The following CD300LG variants were observed in gnomAD, a reference collection of about 807,000 sequenced individuals.
The protein encoded by CD300LG is CD300 molecule like family member g, also known as CMRF35-like molecule 9.
In CD300LG, 29 loss-of-function variants were observed where a neutral mutation model predicts 31.5. The observed-to-expected ratio is 0.92, with a 90% confidence interval of 0.68 to 1.25. The LOEUF is 1.25. Ranked by LOEUF, CD300LG falls within the 50% of genes most tolerant of loss-of-function variation. The pLI, the probability that CD300LG is intolerant of heterozygous loss-of-function variation, is 0.00. For synonymous variants in CD300LG, 175 were observed against 177.2 expected (o/e 0.99, Z 0.10); for missense variants, 396 against 417.6 (o/e 0.95, Z 0.45).
At position 43,848,620 on chromosome 17, in the gene CD300LG, C is replaced by T. The variant is rs2046253995; in HGVS notation, c.106C>T (p.Gln36Ter). 6.2e-7 allele frequency: 1 copy of T among 1,614,030 alleles called. No homozygotes were observed. Among genetic ancestry groups the T allele is most frequent in the Non-Finnish European group, 8.5e-7 (1 of 1,179,908 alleles). Residue 36 changes from glutamine (Q) to a stop codon, truncating the protein, a stop_gained, in exon 2 of 7, where the codon CAG becomes TAG. Coordinates refer to ENST00000317310, the MANE Select transcript of CD300LG (RefSeq NM_145273.4). LOFTEE classifies it high-confidence loss of function. ...SGFEGDTVSL[Q>*]CTYREELRDH... ...GTTCGAAGGGGACACTGTGTCCCTG[C>T]AGTGCACCTACAGGGAAGAGCTGAG... is the stretch of plus-strand genomic sequence containing the variant.
chr17:43,859,645 T>C (rs1388491813), intron 6 of CD300LG, among the ~76,000 whole-genome samples: 3 of 152,170 alleles, frequency 2.0e-5, no homozygotes, highest in East Asian at 1.9e-4. Context: ...TATGGACTCA[T>C]GGGTCTGATG....
chr17:43,847,922 C>T (rs1437203152), intron 1 of CD300LG, among the ~76,000 whole-genome samples: 1 of 152,168 alleles, frequency 6.6e-6, no homozygotes, highest in Non-Finnish European at 1.5e-5. Context: ...GCCCTCCAGC[C>T]TGGGCAACAG....
At chr17:43,847,394 T>TG in intron 1 of CD300LG, 135 bp downstream of exon 1, 4 of 311,060 alleles carry the variant, frequency 1.3e-5, no homozygotes, top group South Asian at 2.8e-5. Context: ...CGGGGCGGGC[T>TG]GGGGGTGGGG....
intron 6 of CD300LG, 150 bp from the exon 7 acceptor site, chr17:43,861,648 T>G: frequency 3.9e-6 from 2 of 511,288 alleles, no homozygotes; most frequent in Admixed American, 3.8e-5. Context: ...TTCTGGGGAG[T>G]TGTTAGGTCC....
chr17:43,859,992 TC>T (rs2046619213), intron 6 of CD300LG, among the ~76,000 whole-genome samples: 1 of 152,228 alleles, frequency 6.6e-6, no homozygotes, highest in South Asian at 2.1e-4. Flanking sequence ...AGCCTCAGCC[TC>T]CCAAAGTGTT....
chr17:43,852,766 G>A (rs928041480), intron 2 of CD300LG, 146 bp from the exon 3 acceptor site: 14 of 546,768 alleles, frequency 2.6e-5, no homozygotes, highest in East Asian at 3.3e-5. Flanking sequence ...GCTGGAACCC[G>A]CCACGTGGCT....
chr17:43,854,958 G>C (rs2046470334), intron 4 of CD300LG, among the ~76,000 whole-genome samples: 1 of 152,090 alleles, frequency 6.6e-6, no homozygotes, highest in Non-Finnish European at 1.5e-5. Context: ...GGTATAGAAA[G>C]GTGGTGGAGC....
At position 43,847,234 on chromosome 17, in the gene CD300LG, G is replaced by A; in HGVS notation, c.18G>A (p.Leu6=). 1 of 1,614,014 alleles carries A rather than the reference G, an allele frequency of 6.2e-7. No homozygotes were observed. Among genetic ancestry groups the A allele is most frequent in the Non-Finnish European group, 8.5e-7 (1 of 1,179,956 alleles). The change falls in exon 1 of 7, where the codon CTG becomes CTA. Residue 6 remains leucine (L), a synonymous_variant. Transcript: ENST00000317310. MRLLV[L]LWGCLLLPGY... ...CGCCCAGAATGCGGCTTCTGGTCCT[G>A]CTATGGGGTTGCCTGCTGCTCCCAG... is the stretch of plus-strand genomic sequence containing the variant.
At chr17:43,852,865 G>A in intron 2 of CD300LG, 47 bp from the exon 3 acceptor site, 3 of 1,478,464 alleles carry the variant, frequency 2.0e-6, no homozygotes, top group Non-Finnish European at 2.8e-6. Context: ...AGGAAAAGGG[G>A]TTCAGAGCGG....
At chr17:43,858,063 G>A (rs2046575775) in intron 6 of CD300LG, 7 of 1,426,568 alleles carry the variant, frequency 4.9e-6, no homozygotes, top group Non-Finnish European at 9.1e-7. Context: ...GCTGTTTACT[G>A]AGATGCCTCC....
intron 2 of CD300LG, among the ~76,000 whole-genome samples, chr17:43,850,376 G>A (rs2046312826): frequency 6.6e-6 from 1 of 152,218 alleles, no homozygotes; most frequent in South Asian, 2.1e-4. Context: ...GGTGAACCAT[G>A]AGAAGAATTT....
intron 6 of CD300LG, chr17:43,857,358 G>C (rs1039436832): frequency 6.6e-7 from 1 of 1,523,462 alleles, no homozygotes; most frequent in Non-Finnish European, 8.8e-7. Flanking sequence ...GCCCATGGGG[G>C]ACTCACAGGT....
intron 2 of CD300LG, 40 bp downstream of exon 2, chr17:43,848,933 C>A: frequency 6.4e-7 from 1 of 1,556,090 alleles, no homozygotes; most frequent in Non-Finnish European, 8.8e-7. Flanking sequence ...GGGACAGGAG[C>A]TGCAGAGGGA....
chr17:43,860,459 T>G (rs1316157009), intron 6 of CD300LG, among the ~76,000 whole-genome samples: 1 of 152,176 alleles, frequency 6.6e-6, no homozygotes, highest in Non-Finnish European at 1.5e-5. Context: ...GCCTTGGGAG[T>G]CTTGGCTGGG....
Position 43,857,094 on chromosome 17 carries a change from T to C in CD300LG, c.833-10T>C, listed in dbSNP as rs1230354401. On this transcript the variant is annotated splice_polypyrimidine_tract_variant and intron_variant, in intron 5 of 6. Transcript: ENST00000317310. ...GCTTCAAGGGGCTCCTCCTTCTACA[T>C]CTCTTTCAGCTCAACAGGCCACGGA... is the stretch of plus-strand genomic sequence containing the variant. 6.2e-7 allele frequency: 1 copy of C among 1,613,752 alleles called. No individual in the cohort carries two copies. The highest frequency in any genetic ancestry group is 1.3e-5 in the African/African-American group (1 of 74,884).
chr17:43,857,919 T>C, intron 6 of CD300LG: 1 of 1,535,434 alleles, frequency 6.5e-7, no homozygotes, highest in South Asian at 1.2e-5. Context: ...GTGCCCATTG[T>C]CTGGAGCTGG....
In CD300LG at chr17:43,857,146, T is replaced by A. The variant is rs2046546053; in HGVS notation, c.875T>A (p.Leu292His). The A allele has an allele frequency of 6.2e-7, 1 of 1,614,144 alleles. No individual in the cohort carries two copies. Among genetic ancestry groups the A allele is most frequent in the African/African-American group, 1.3e-5 (1 of 75,054 alleles). ...TETQRNEKFC[L>H]SRLTAEEKEA... The stretch of plus-strand genomic sequence containing the variant: ...ACACAGAGGAACGAGAAGTTCTGCC[T>A]CTCACGCTTGGTAAGGACAGAGGCA... Residue 292 changes from leucine to histidine, a missense_variant, in exon 6 of 7, where the codon CTC becomes CAC. Transcript: ENST00000317310.
chr17:43,857,402 G>T, intron 6 of CD300LG: 1 of 1,536,268 alleles, frequency 6.5e-7, no homozygotes. Flanking sequence ...GCCAGGCAGG[G>T]TGGGCTCCAG....
At chr17:43,861,073 T>C (rs2046643705) in intron 6 of CD300LG, 2 of 984,874 alleles carry the variant, frequency 2.0e-6, no homozygotes, top group South Asian at 4.7e-5. Context: ...TGGGCTTGGC[T>C]GGGCTAGCAG....
Sources: gnomAD v4.1 joint callset for allele counts (sites outside exome capture counted in the v4.1 genomes callset) on GRCh38, gnomAD v4.1.1 for gene constraint, MANE v1.5 for transcripts, NCBI Gene and HGNC (gene_info 2026-07-23, HGNC 2026-07-21) for gene names.